Variants in DNAJC1 observed in about 807,000 individuals in gnomAD.
The protein encoded by DNAJC1 is DnaJ heat shock protein family (Hsp40) member C1.
DNAJC1 carries 58 observed loss-of-function variants against 76.6 expected under a neutral mutation model. That is an observed-to-expected ratio of 0.76 (90% CI 0.61 to 0.94). DNAJC1 has a LOEUF of 0.94. Among genes scored for constraint, DNAJC1 ranks in the 40% least tolerant of loss-of-function variants. The pLI is 0.00. For missense variants in DNAJC1, 689 were observed against 677.3 expected, an observed-to-expected ratio of 1.02 and a Z score of -0.19; for synonymous variants, 258 against 267.9, an observed-to-expected ratio of 0.96 and a Z score of 0.36.
intron 1 of DNAJC1, among the ~76,000 whole-genome samples, chr10:22,001,151 T>G (rs1419499573): frequency 5.9e-5 from 9 of 152,220 alleles, no homozygotes; most frequent in African/African-American, 2.2e-4. Flanking sequence ...AACAAATCTC[T>G]GTTGCGTGAA....
chr10:21,787,486 G>A (rs1032491586), intron 9 of DNAJC1, among the ~76,000 whole-genome samples: 7 of 152,134 alleles, frequency 4.6e-5, no homozygotes, highest in Admixed American at 3.3e-4. Context: ...CTAGAGACCC[G>A]TAGTGCTCAT....
At chr10:21,908,212 ATAT>A (rs1466611264) in intron 6 of DNAJC1, among the ~76,000 whole-genome samples, 4 of 85,088 alleles carry the variant, frequency 4.7e-5, no homozygotes, top group African/African-American at 1.6e-4. Context: ...TATAAAATAT[ATAT>A]TATATATAAT....
intron 9 of DNAJC1, among the ~76,000 whole-genome samples, chr10:21,775,525 G>A (rs1415213577): frequency 6.6e-6 from 1 of 151,884 alleles, no homozygotes; most frequent in East Asian, 1.9e-4. Flanking sequence ...AAAGCTCAAT[G>A]CCTAGGGTGA....
intron 8 of DNAJC1, among the ~76,000 whole-genome samples, chr10:21,827,962 G>C (rs540906188): frequency 3.2e-4 from 49 of 152,098 alleles, no homozygotes; most frequent in Non-Finnish European, 5.3e-4. Context: ...TTTAGAGGTG[G>C]AATTTCTGAC....
intron 9 of DNAJC1, among the ~76,000 whole-genome samples, chr10:21,787,256 A>C (rs1201855495): frequency 6.6e-6 from 1 of 151,958 alleles, no homozygotes; most frequent in Non-Finnish European, 1.5e-5. Flanking sequence ...TGAACCCAGG[A>C]GGTAGAGGTT....
At chr10:21,979,904 A>T (rs1838125501) in intron 1 of DNAJC1, among the ~76,000 whole-genome samples, 1 of 151,890 alleles carries the variant, frequency 6.6e-6, no homozygotes, top group East Asian at 1.9e-4. Flanking sequence ...ATATGTCAAA[A>T]CTGCATATGT....
chr10:21,775,331 C>CTTT (rs34444920), intron 9 of DNAJC1, among the ~76,000 whole-genome samples: 7 of 49,648 alleles, frequency 1.4e-4, no homozygotes, highest in African/African-American at 3.6e-4. Context: ...CTGCAAATGG[C>CTTT]TTTTTTTTTT....
At chr10:21,968,418 G>A (rs1446605005) in intron 1 of DNAJC1, among the ~76,000 whole-genome samples, 1 of 151,984 alleles carries the variant, frequency 6.6e-6, no homozygotes, top group African/African-American at 2.4e-5. Context: ...TTGGTATTAC[G>A]GCAACCCAAC....
intron 6 of DNAJC1, among the ~76,000 whole-genome samples, chr10:21,908,229 T>C (rs1198173903): frequency 9.7e-5 from 5 of 51,790 alleles, no homozygotes; most frequent in South Asian, 5.9e-4. Flanking sequence ...ATATAATATA[T>C]ATAAAATATA....
chr10:21,797,896 C>T (rs1834766566), intron 9 of DNAJC1, among the ~76,000 whole-genome samples: 1 of 152,112 alleles, frequency 6.6e-6, no homozygotes. Flanking sequence ...TCTGTTACAC[C>T]AGCACAGAAC....
chr10:21,801,223 G>A (rs1030077185), intron 9 of DNAJC1, among the ~76,000 whole-genome samples: 1 of 152,126 alleles, frequency 6.6e-6, no homozygotes, highest in Non-Finnish European at 1.5e-5. Flanking sequence ...AAATATAAAT[G>A]TTGGTTTGCT....
At chr10:21,840,492 C>T (rs1835557909) in intron 8 of DNAJC1, among the ~76,000 whole-genome samples, 2 of 152,138 alleles carry the variant, frequency 1.3e-5, no homozygotes, top group Admixed American at 6.5e-5. Flanking sequence ...TGAGTGAAAT[C>T]CCATTCACAA....
At chr10:21,908,915 T>G (rs1337477109) in intron 6 of DNAJC1, among the ~76,000 whole-genome samples, 1 of 151,998 alleles carries the variant, frequency 6.6e-6, no homozygotes, top group Admixed American at 6.6e-5. Flanking sequence ...AGACAGAGTC[T>G]CGCTGTGTCG....
intron 8 of DNAJC1, among the ~76,000 whole-genome samples, chr10:21,848,121 GTTGTT>G (rs1201214238): frequency 2.6e-5 from 4 of 152,188 alleles, no homozygotes; most frequent in Admixed American, 1.3e-4. Flanking sequence ...GCCAACACTT[GTTGTT>G]TTGTCTTTTT....
intron 10 of DNAJC1, among the ~76,000 whole-genome samples, chr10:21,763,573 T>G (rs1198216207): frequency 2.6e-5 from 4 of 151,546 alleles, no homozygotes; most frequent in Non-Finnish European, 5.9e-5. Flanking sequence ...TTGTTTTTTT[T>G]TTTTTTTTTT....
At chr10:21,961,501 T>C (rs1837790439) in intron 1 of DNAJC1, among the ~76,000 whole-genome samples, 1 of 152,150 alleles carries the variant, frequency 6.6e-6, no homozygotes, top group Non-Finnish European at 1.5e-5. Flanking sequence ...ATGATTCCAC[T>C]TATAAGAAAT....
intron 7 of DNAJC1, among the ~76,000 whole-genome samples, chr10:21,903,940 A>G: frequency 6.6e-6 from 1 of 152,224 alleles, no homozygotes; most frequent in African/African-American, 2.4e-5. Context: ...AGATGTAGAT[A>G]AGGCAAAAAT....
chr10:21,792,171 T>A (rs944153805), intron 9 of DNAJC1, among the ~76,000 whole-genome samples: 1 of 152,056 alleles, frequency 6.6e-6, no homozygotes. Flanking sequence ...CAAGAAGAAA[T>A]AGAAAATCTG....
chr10:21,898,782 C>A (rs1251322974), intron 7 of DNAJC1, among the ~76,000 whole-genome samples: 1 of 150,804 alleles, frequency 6.6e-6, no homozygotes, highest in Non-Finnish European at 1.5e-5. Context: ...GTTGGCCAGG[C>A]CAGAATATAC....
Sources: allele counts gnomAD v4.1 joint callset (sites outside exome capture counted in the v4.1 genomes callset), GRCh38; gene constraint gnomAD v4.1.1; transcripts MANE v1.5; gene names NCBI Gene and HGNC (gene_info 2026-07-23, HGNC 2026-07-21).